Variants in CNIH3 observed in about 807,000 individuals in gnomAD.
CNIH3 encodes protein cornichon homolog 3.
Under a neutral mutation model 24.1 loss-of-function variants are expected in CNIH3, and 14 were observed. That is an observed-to-expected ratio of 0.58 (90% CI 0.38 to 0.91). The LOEUF is 0.91. Ranked by LOEUF, CNIH3 falls within the 40% of genes least tolerant of loss-of-function variation. The probability of loss-of-function intolerance (pLI) is 0.00; values close to 1 mark genes in which losing one functional copy is unlikely to be tolerated. For missense variants in CNIH3, 178 were observed against 196.8 expected, an observed-to-expected ratio of 0.90 and a Z score of 0.57; for synonymous variants, 68 against 73.8, an observed-to-expected ratio of 0.92 and a Z score of 0.40.
intron 3 of CNIH3, among the ~76,000 whole-genome samples, chr1:224,723,847 G>A (rs1229119339): frequency 3.3e-5 from 5 of 152,154 alleles, no homozygotes; most frequent in East Asian, 1.9e-4. Flanking sequence ...AACAGCAAAG[G>A]GTTTTGAGTC....
At position 224,734,545 on chromosome 1, in the gene CNIH3, T is replaced by A. The variant is rs750629078; in HGVS notation, c.312-18T>A. 2 of 1,612,834 alleles carry A rather than the reference T, an allele frequency of 1.2e-6. No homozygotes were observed. Among genetic ancestry groups the A allele is most frequent in the East Asian group, 4.5e-5 (2 of 44,850 alleles). Reference sequence around the variant, plus strand: ...AGTACCAGGACCTCAGAGACAATGATGTCCTCTCTCCCTGCAGGTATTTCC... The same window carrying A: ...AGTACCAGGACCTCAGAGACAATGAAGTCCTCTCTCCCTGCAGGTATTTCC... On this transcript the variant is annotated intron_variant, in intron 4 of 5. Transcript: ENST00000272133.
At chr1:224,676,324 T>G (rs78600948) in intron 1 of CNIH3, among the ~76,000 whole-genome samples, 9,278 of 151,922 alleles carry the variant, frequency 0.061, 323 homozygotes, top group East Asian at 0.11. Flanking sequence ...GAGAACAGAT[T>G]AGTGGTTGCT....
intron 3 of CNIH3, among the ~76,000 whole-genome samples, chr1:224,727,330 A>G (rs528306094): frequency 2.6e-5 from 4 of 152,276 alleles, no homozygotes; most frequent in Admixed American, 1.3e-4. Context: ...AAACAACACA[A>G]GTTTCTTTAC....
At chr1:224,552,723 A>T (rs1282938693) in intron 3 of CNIH3, among the ~76,000 whole-genome samples, 1 of 151,404 alleles carries the variant, frequency 6.6e-6, no homozygotes, top group Non-Finnish European at 1.5e-5. Context: ...CTTAGATATT[A>T]TATATATATC....
chr1:224,658,280 C>A (rs1338770990), intron 1 of CNIH3, among the ~76,000 whole-genome samples: 3 of 152,176 alleles, frequency 2.0e-5, no homozygotes, highest in Non-Finnish European at 4.4e-5. Flanking sequence ...GTCCTACAAC[C>A]TTAGCCTCTC....
intron 1 of CNIH3, among the ~76,000 whole-genome samples, chr1:224,520,698 T>C (rs764984534): frequency 2.2e-4 from 34 of 152,176 alleles, no homozygotes; most frequent in Non-Finnish European, 4.3e-4. Context: ...TTGTGTACTG[T>C]GAGATGGGGA....
chr1:224,630,389 T>C (rs745675994), intron 1 of CNIH3, among the ~76,000 whole-genome samples: 5 of 152,106 alleles, frequency 3.3e-5, no homozygotes, highest in Non-Finnish European at 7.3e-5. Flanking sequence ...GTTAGCTCAC[T>C]GGGAGACAAT....
chr1:224,586,161 C>T (rs1310394438), intron 5 of CNIH3, among the ~76,000 whole-genome samples: 2 of 152,204 alleles, frequency 1.3e-5, no homozygotes, highest in Non-Finnish European at 2.9e-5. Flanking sequence ...CTGGTAACAA[C>T]CAGATGATCT....
At chr1:224,701,933 G>A (rs1324556637) in intron 3 of CNIH3, among the ~76,000 whole-genome samples, 3 of 152,136 alleles carry the variant, frequency 2.0e-5, no homozygotes, top group Non-Finnish European at 2.9e-5. Flanking sequence ...GTAAAATGAT[G>A]CAAAGTTGAT....
At chr1:224,688,514 T>G (rs554669365) in intron 3 of CNIH3, among the ~76,000 whole-genome samples, 3 of 152,138 alleles carry the variant, frequency 2.0e-5, no homozygotes, top group Non-Finnish European at 4.4e-5. Context: ...AGTAAGTGAG[T>G]GAATGAGTGC....
chr1:224,544,249 A>G (rs1326420540), intron 2 of CNIH3, among the ~76,000 whole-genome samples: 3 of 152,124 alleles, frequency 2.0e-5, no homozygotes, highest in African/African-American at 4.8e-5. Context: ...TGCAATCACC[A>G]CTTGGTCTCC....
intron 1 of CNIH3, among the ~76,000 whole-genome samples, chr1:224,455,019 C>T (rs1257101253): frequency 2.0e-5 from 3 of 152,094 alleles, no homozygotes; most frequent in African/African-American, 7.2e-5. Flanking sequence ...TATTGTAAGT[C>T]GAAAATGCAT....
intron 1 of CNIH3, among the ~76,000 whole-genome samples, chr1:224,678,213 CA>C (rs1208375272): frequency 1.3e-5 from 2 of 152,136 alleles, no homozygotes; most frequent in Non-Finnish European, 2.9e-5. Flanking sequence ...CTTAGGCCTC[CA>C]AATCCAACAA....
At chr1:224,448,067 A>G (rs1675238210) in intron 1 of CNIH3, among the ~76,000 whole-genome samples, 1 of 152,082 alleles carries the variant, frequency 6.6e-6, no homozygotes, top group South Asian at 2.1e-4. Context: ...TGGGGGCTGG[A>G]GGAGGAGAAA....
intron 3 of CNIH3, among the ~76,000 whole-genome samples, chr1:224,561,204 A>ATT (rs1680360636): frequency 6.6e-6 from 1 of 152,156 alleles, no homozygotes; most frequent in South Asian, 2.1e-4. Flanking sequence ...TACTTATCAA[A>ATT]ACAGAAGCTC....
chr1:224,523,367 A>G (rs1284166241), intron 2 of CNIH3, among the ~76,000 whole-genome samples: 1 of 152,248 alleles, frequency 6.6e-6, no homozygotes, highest in East Asian at 1.9e-4. Context: ...TTGTAAATAC[A>G]CAGAACAAAC....
At chr1:224,584,882 G>T (rs1459526102) in intron 5 of CNIH3, among the ~76,000 whole-genome samples, 1 of 152,192 alleles carries the variant, frequency 6.6e-6, no homozygotes, top group Admixed American at 6.5e-5. Context: ...ATAGGACCAA[G>T]GGACATCTTT....
intron 1 of CNIH3, among the ~76,000 whole-genome samples, chr1:224,498,741 G>T (rs1481531920): frequency 1.3e-5 from 2 of 152,244 alleles, no homozygotes; most frequent in Non-Finnish European, 1.5e-5. Context: ...AGGTTACCAT[G>T]CGCTGCTTCA....
intron 1 of CNIH3, among the ~76,000 whole-genome samples, chr1:224,675,513 C>T (rs1478031199): frequency 6.6e-6 from 1 of 152,172 alleles, no homozygotes; most frequent in African/African-American, 2.4e-5. Flanking sequence ...GAGAAGCATA[C>T]TGTCAAAAGT....
Sources: allele counts gnomAD v4.1 joint callset (sites outside exome capture counted in the v4.1 genomes callset), GRCh38; gene constraint gnomAD v4.1.1; transcripts MANE v1.5; gene names NCBI Gene and HGNC (gene_info 2026-07-23, HGNC 2026-07-21).